Variants in PITPNC1 observed in about 807,000 individuals in gnomAD.
The protein encoded by PITPNC1 is phosphatidylinositol transfer protein cytoplasmic 1.
A neutral mutation model predicts 44.7 loss-of-function variants in PITPNC1; 18 were observed. The observed-to-expected ratio is 0.40, with a 90% CI of 0.28 to 0.60. The LOEUF (loss-of-function observed/expected upper bound fraction) is 0.60, where lower values mean the gene tolerates loss of function less well. Ranked by LOEUF, PITPNC1 falls within the 20% of genes least tolerant of loss-of-function variation. The probability of loss-of-function intolerance (pLI) is 0.39; values close to 1 mark genes in which losing one functional copy is unlikely to be tolerated. For missense variants in PITPNC1, 290 were observed against 418.4 expected, an observed-to-expected ratio of 0.69 and a Z score of 2.68; for synonymous variants, 141 against 149.6, an observed-to-expected ratio of 0.94 and a Z score of 0.42.
chr17:67,690,871 G>A (rs1266903712), intron 8 of PITPNC1, among the ~76,000 whole-genome samples: 1 of 152,132 alleles, frequency 6.6e-6, no homozygotes, highest in African/African-American at 2.4e-5. Flanking sequence ...TTGGGAGTCT[G>A]AGGCAGGTGG....
intron 1 of PITPNC1, among the ~76,000 whole-genome samples, chr17:67,442,204 C>CATATGTATATATAT (rs2039021633): frequency 5.5e-5 from 3 of 54,218 alleles, no homozygotes; most frequent in African/African-American, 1.5e-4. Context: ...GGAAAATAAG[C>CATATGTATATATAT]ATATATATAT....
At chr17:67,652,569 G>A (rs1010550577) in intron 6 of PITPNC1, among the ~76,000 whole-genome samples, 2 of 152,220 alleles carry the variant, frequency 1.3e-5, no homozygotes, top group African/African-American at 2.4e-5. Flanking sequence ...GGTAGCATCC[G>A]GAGCCAGAGA....
chr17:67,686,300 C>T (rs191331670), intron 8 of PITPNC1, among the ~76,000 whole-genome samples: 10 of 149,598 alleles, frequency 6.7e-5, no homozygotes, highest in Non-Finnish European at 1.2e-4. Flanking sequence ...TTCCCTAGTT[C>T]TAACAACCAA....
At chr17:67,637,503 C>T (rs1162137373) in intron 6 of PITPNC1, among the ~76,000 whole-genome samples, 1 of 152,174 alleles carries the variant, frequency 6.6e-6, no homozygotes, top group Non-Finnish European at 1.5e-5. Flanking sequence ...GTTGCACACA[C>T]ACACGGCCAT....
Position 67,692,675 on chromosome 17 carries a change from CCT to C in PITPNC1, c.787_788del (p.Leu263AlafsTer11). ...PPAISISSIPLLPSSVRSAPS... is the reference protein window; with the variant it reads ...PPAISISSIPXLPSSVRSAPS... ...CTGCAATTTCTATCTCCAGCATCCC[CCT>C]GCTGCCTTCTTCCGTCCGCAGTGCG... On this transcript the variant is annotated frameshift_variant, in exon 9 of 9. Transcript: ENST00000581322. LOFTEE classifies it high-confidence loss of function. The C allele has an allele frequency of 1.2e-6, 2 of 1,613,696 alleles. No individual in the cohort carries two copies.
rs186627991 is a variant in PITPNC1 at position 67,461,371 on chromosome 17, G to A, written c.49-71431G>A. 5.3e-5 allele frequency among the ~76,000 whole-genome samples: 8 copies of A among 152,336 alleles called. No homozygotes were observed. In the East Asian group the frequency reaches 5.8e-4, roughly 11 times the overall value. On this transcript the variant is annotated intron_variant, in intron 1 of 8. Transcript: ENST00000581322. ...GGGACAATAGTACAGCTTCGGGGGC[G>A]GTGCCCAGGGAAATCTGGGCTGAGT...
intron 5 of PITPNC1, among the ~76,000 whole-genome samples, chr17:67,619,318 G>A (rs938685017): frequency 7.9e-5 from 12 of 152,174 alleles, no homozygotes; most frequent in African/African-American, 2.9e-4. Flanking sequence ...GGAAGTTTAA[G>A]TAGTTTAATT....
intron 1 of PITPNC1, among the ~76,000 whole-genome samples, chr17:67,441,557 G>A (rs937844116): frequency 1.1e-4 from 16 of 152,146 alleles, no homozygotes; most frequent in Non-Finnish European, 2.1e-4. Flanking sequence ...CATTCTCTCC[G>A]ATTGTAAAAG....
rs2916121 is a variant in PITPNC1, at chr17:67,474,821, C to T, written c.49-57981C>T. 2.4e-3 allele frequency among the ~76,000 whole-genome samples: 355 copies of T among 149,592 alleles called. 2 individuals carry two copies. The highest frequency in any genetic ancestry group is 7.8e-3 in the African/African-American group (322 of 41,040). On this transcript the variant is annotated intron_variant, in intron 1 of 8. Coordinates refer to ENST00000581322, the MANE Select transcript of PITPNC1 (RefSeq NM_012417.4). ...AGGTGCACACCACCATGCCCGGCGG[C>T]TTTTTTTTTTTTCTTGAAGAGGGGG... is the stretch of plus-strand genomic sequence containing the variant.
At position 67,485,290 on chromosome 17, in the gene PITPNC1, C is replaced by T. The variant is rs140347240; in HGVS notation, c.49-47512C>T. 1.3e-3 allele frequency among the ~76,000 whole-genome samples: 200 copies of T among 151,452 alleles called. 2 individuals carry two copies. Among genetic ancestry groups the T allele is most frequent in the African/African-American group, 4.4e-3 (183 of 41,262 alleles). On this transcript the variant is annotated intron_variant, in intron 1 of 8. Transcript: ENST00000581322. Reference sequence around the variant, plus strand: ...GGCATGGATGCTTACATTTTCATTCCGGATTTGTGGATTTTGCACTAGGGT... The same window carrying T: ...GGCATGGATGCTTACATTTTCATTCTGGATTTGTGGATTTTGCACTAGGGT...
intron 1 of PITPNC1, among the ~76,000 whole-genome samples, chr17:67,484,750 C>G (rs1464361283): frequency 6.6e-6 from 1 of 152,056 alleles, no homozygotes; most frequent in African/African-American, 2.4e-5. Context: ...CCAGCCTGGT[C>G]AACATGGTGA....
At chr17:67,587,288 G>A (rs2041331256) in intron 5 of PITPNC1, among the ~76,000 whole-genome samples, 1 of 151,108 alleles carries the variant, frequency 6.6e-6, no homozygotes, top group East Asian at 1.9e-4. Flanking sequence ...AGAGTTCAAG[G>A]CCAGCCTGGG....
At chr17:67,660,885 G>C (rs899151410) in intron 6 of PITPNC1, among the ~76,000 whole-genome samples, 3 of 137,402 alleles carry the variant, frequency 2.2e-5, no homozygotes, top group Non-Finnish European at 4.7e-5. Context: ...TTGAGATGGA[G>C]TCTCGCTCGG....
chr17:67,577,450 A>G (rs1262667136), intron 4 of PITPNC1, among the ~76,000 whole-genome samples: 1 of 151,794 alleles, frequency 6.6e-6, no homozygotes, highest in East Asian at 1.9e-4. Context: ...TAGCCGGGCT[A>G]CACGGAAGGC....
intron 1 of PITPNC1, chr17:67,379,351 C>A (rs935999887): frequency 1.0e-6 from 1 of 985,428 alleles, no homozygotes; most frequent in African/African-American, 1.7e-5. Context: ...TGGCTGAGCT[C>A]ACAGGGGCTG....
chr17:67,451,175 G>A (rs975801476), intron 1 of PITPNC1, among the ~76,000 whole-genome samples: 1 of 151,956 alleles, frequency 6.6e-6, no homozygotes, highest in Non-Finnish European at 1.5e-5. Flanking sequence ...GGGACTACAC[G>A]CGCGCGCCAT....
rs565146697 is a variant in PITPNC1, at chr17:67,615,660, G to A, written c.367-16483G>A. Among the ~76,000 whole-genome samples the A allele has an allele frequency of 5.9e-5, 9 of 152,266 alleles. No individual in the cohort carries two copies. The South Asian group carries it at 6.2e-4, about 11-fold the overall frequency. ...CACCGAGGCTGTGAAAGGCTGGCCC[G>A]TGAGTGTCTCCAGGTTCAATATCGA... On this transcript the variant is annotated intron_variant, in intron 5 of 8. Coordinates refer to ENST00000581322, the MANE Select transcript of PITPNC1 (RefSeq NM_012417.4).
rs552271332 is a variant in PITPNC1 at position 67,648,938 on chromosome 17, G to A, written c.462+16700G>A. ...GGAGGCCAAGGCGGGAGGATCACTT[G>A]AGGCCAGGAGTTTGAGACCAGCCCA... is the stretch of plus-strand genomic sequence containing the variant. On this transcript the variant is annotated intron_variant, in intron 6 of 8. Coordinates refer to ENST00000581322, the MANE Select transcript of PITPNC1 (RefSeq NM_012417.4). 2.8e-3 allele frequency among the ~76,000 whole-genome samples: 419 copies of A among 152,310 alleles called. 4 individuals carry two copies. Among genetic ancestry groups the A allele is most frequent in the African/African-American group, 9.6e-3 (401 of 41,574 alleles).
chr17:67,479,005 A>T lies in PITPNC1; in HGVS notation c.49-53797A>T, dbSNP rs74522836. On this transcript the variant is annotated intron_variant, in intron 1 of 8. Coordinates refer to ENST00000581322, the MANE Select transcript of PITPNC1 (RefSeq NM_012417.4). ...CAGAGTGGAGAGGGCAGGCCAGGTT[A>T]CCTCGGTGTCAAGCAATCATTACTG... is the stretch of plus-strand genomic sequence containing the variant. 3.8e-4 allele frequency among the ~76,000 whole-genome samples: 58 copies of T among 151,928 alleles called. 2 individuals carry two copies. The East Asian group carries it at 0.011, about 29-fold the overall frequency.
Sources: allele counts gnomAD v4.1 joint callset (sites outside exome capture counted in the v4.1 genomes callset), GRCh38; gene constraint gnomAD v4.1.1; transcripts MANE v1.5; gene names NCBI Gene and HGNC (gene_info 2026-07-23, HGNC 2026-07-21).